INO80D: variants seen among roughly 807,000 people sequenced by gnomAD.
INO80D encodes the protein INO80 complex subunit D.
In INO80D, 21 loss-of-function variants were observed where a neutral mutation model predicts 87.6. The ratio of observed to expected loss-of-function variants is 0.24; its 90% confidence interval spans 0.17 to 0.35. The LOEUF (loss-of-function observed/expected upper bound fraction) is 0.35, where lower values mean the gene tolerates loss of function less well. INO80D is among the 10% of genes least tolerant of loss of function. The probability of loss-of-function intolerance (pLI) is 1.00; values close to 1 mark genes in which losing one functional copy is unlikely to be tolerated. For missense variants in INO80D, 982 were observed against 1,280.7 expected (o/e 0.77, Z 3.56); for synonymous variants, 440 against 491.0 (o/e 0.90, Z 1.37).
chr2:206,017,466 A>G (rs1389110562), intron 8 of INO80D, among the ~76,000 whole-genome samples: 1 of 152,224 alleles, frequency 6.6e-6, no homozygotes, highest in Non-Finnish European at 1.5e-5. Flanking sequence ...GAAAGCAAAA[A>G]CTTAGAGACA....
intron 4 of INO80D, 99 bp from the exon 5 acceptor site, chr2:206,046,711 T>C: frequency 2.9e-6 from 2 of 698,698 alleles, no homozygotes; most frequent in East Asian, 2.7e-5. Context: ...AACATACCTA[T>C]TGCAAGTACT....
chr2:206,048,752 G>T (rs1348116258), intron 4 of INO80D, among the ~76,000 whole-genome samples: 6 of 152,066 alleles, frequency 3.9e-5, no homozygotes, highest in African/African-American at 4.8e-5. Flanking sequence ...AAATTAGCCA[G>T]GCTGAGTGGT....
intron 5 of INO80D, among the ~76,000 whole-genome samples, chr2:206,028,804 T>TTAACCACCTTTTTCTTGC (rs1379934466): frequency 2.6e-5 from 4 of 152,234 alleles, no homozygotes; most frequent in Admixed American, 2.6e-4. Context: ...ATTCTGGTTT[T>TTAACCACCTTTTTCTTGC]TAACCACCTT....
chr2:206,006,247 A>G (rs1171187436), intron 10 of INO80D, among the ~76,000 whole-genome samples: 2 of 152,256 alleles, frequency 1.3e-5, no homozygotes, highest in Non-Finnish European at 2.9e-5. Context: ...TAATGGTGAA[A>G]GAAACATTCT....
At position 206,062,728 on chromosome 2, in the gene INO80D, A is replaced by G; in HGVS notation, c.218+71T>C. On this transcript the variant is annotated intron_variant, in intron 3 of 10. Transcript: ENST00000403263. The surrounding 1 kb of genome is among the most constrained non-coding windows in gnomAD (Gnocchi z 4.6). ...ATGAAGGACAGAAGAAAAGAGAAGA[A>G]AAAACAAGAAAAGAAAAAATTCCAA... 1.5e-6 allele frequency: 2 copies of G among 1,320,078 alleles called. No homozygotes were observed. The allele number at this position is 1,320,078 out of a possible 1,614,324, so 81.8% of individuals were successfully genotyped here. A position where few individuals can be genotyped will look rare whatever the true frequency, so the allele number is the denominator to read the frequency against.
intron 5 of INO80D, chr2:206,040,950 C>T (rs1689031233): frequency 6.5e-6 from 1 of 153,806 alleles, no homozygotes; most frequent in Non-Finnish European, 1.4e-5. Flanking sequence ...CAGACACTGT[C>T]AGAGTAGATA....
At chr2:206,071,306 T>C (rs1689965065) in intron 1 of INO80D, among the ~76,000 whole-genome samples, 1 of 78,720 alleles carries the variant, frequency 1.3e-5, no homozygotes. Flanking sequence ...TTTTTTTTTT[T>C]TTTTTTTTTT....
intron 1 of INO80D, among the ~76,000 whole-genome samples, chr2:206,067,445 T>G (rs956269764): frequency 6.6e-5 from 10 of 152,070 alleles, no homozygotes; most frequent in Non-Finnish European, 1.3e-4. Flanking sequence ...CAGTTTTGAA[T>G]AGCTAGAAGG....
At chr2:206,047,298 A>T (rs1689222111) in intron 4 of INO80D, among the ~76,000 whole-genome samples, 1 of 151,996 alleles carries the variant, frequency 6.6e-6, no homozygotes, top group Non-Finnish European at 1.5e-5. Context: ...GGCTCACTGC[A>T]ACCTCTGCCT....
In INO80D at chr2:206,032,104, G is replaced by A. The variant is rs545444441; in HGVS notation, c.1074-3769C>T. On this transcript the variant is annotated intron_variant, in intron 5 of 10. Coordinates refer to ENST00000403263, the MANE Select transcript of INO80D (RefSeq NM_017759.5). ...CAGAGATCTTTCGGGAGGGCAGCCA[G>A]AGGCATGGGGAAAATGCCACAGGGA... 1.5e-3 allele frequency among the ~76,000 whole-genome samples: 222 copies of A among 152,306 alleles called. 1 individual carries two copies. The highest frequency in any genetic ancestry group is 2.5e-3 in the Non-Finnish European group (172 of 68,012).
At chr2:206,083,243 T>G (rs1256710667) in intron 1 of INO80D, among the ~76,000 whole-genome samples, 1 of 152,250 alleles carries the variant, frequency 6.6e-6, no homozygotes, top group African/African-American at 2.4e-5. Flanking sequence ...TTGGTATTTG[T>G]ACACATAGTT....
rs372597103 is a variant in INO80D at position 205,997,466 on chromosome 2, C to G, written c.*6902G>C. On this transcript the variant is annotated 3_prime_UTR_variant, in exon 11 of 11. Coordinates refer to ENST00000403263, the MANE Select transcript of INO80D (RefSeq NM_017759.5). ...CCTTCCAAAAATTGTTTATGAAAGG[C>G]CTATACTTTTTCTTAACTTCACCAA... is the stretch of plus-strand genomic sequence containing the variant. 66 of 152,132 alleles carry G rather than the reference C, an allele frequency of 4.3e-4. No individual in the cohort carries two copies. Among genetic ancestry groups the G allele is most frequent in the African/African-American group, 1.5e-3 (62 of 41,538 alleles). The allele number at this position is 152,132 out of a possible 1,614,324, so 9.4% of individuals were successfully genotyped here.
chr2:206,018,315 A>G (rs1270013976), intron 7 of INO80D, among the ~76,000 whole-genome samples: 2 of 151,806 alleles, frequency 1.3e-5, no homozygotes, highest in African/African-American at 4.8e-5. Context: ...CAGATAATTT[A>G]TTGTATTTTT....
chr2:206,019,766 C>G lies in INO80D; in HGVS notation c.1378G>C (p.Ala460Pro), dbSNP rs761278112. 6.2e-7 allele frequency: 1 copy of G among 1,613,706 alleles called. No individual in the cohort carries two copies. The highest frequency in any genetic ancestry group is 8.5e-7 in the Non-Finnish European group (1 of 1,179,758). ...AAACAATGTCTGGTGAATGGAAGGG[C>G]TTTGTTAGCGCACTGTTCACCCTTC... ...TVKGEQCANK[A>P]LPFTRHCFQH... Residue 460 changes from alanine (A) to proline (P), a missense_variant, in exon 7 of 11, where the codon GCC (alanine) becomes CCC (proline). Transcript: ENST00000403263.
At chr2:206,046,305 G>A (rs1689190873) in intron 5 of INO80D, among the ~76,000 whole-genome samples, 199 bp downstream of exon 5, 1 of 152,122 alleles carries the variant, frequency 6.6e-6, no homozygotes. Context: ...GGGAGGCCTA[G>A]GCGGAGAGAT....
chr2:206,039,026 C>T (rs1302894317), intron 5 of INO80D, among the ~76,000 whole-genome samples: 1 of 152,154 alleles, frequency 6.6e-6, no homozygotes, highest in African/African-American at 2.4e-5. Context: ...AGAAAAAACA[C>T]ATTAAATGAT....
chr2:206,005,989 G>A (rs569062489), intron 10 of INO80D, among the ~76,000 whole-genome samples: 7 of 152,322 alleles, frequency 4.6e-5, no homozygotes, highest in African/African-American at 9.6e-5. Context: ...CTGGAGGGCA[G>A]CTGTGGAAGG....
At position 205,994,974 on chromosome 2, in the gene INO80D, C is replaced by T. The variant is rs1158673062; in HGVS notation, c.*9394G>A. ...GACAGCTTCATGAGAGAGCTGCCTT[C>T]TTTCAAATTTGAATTTTGAACAAGG... On this transcript the variant is annotated 3_prime_UTR_variant, in exon 11 of 11. Coordinates refer to ENST00000403263, the MANE Select transcript of INO80D (RefSeq NM_017759.5). The T allele has an allele frequency of 6.6e-6, 1 of 151,916 alleles. No homozygotes were observed. Among genetic ancestry groups the T allele is most frequent in the Non-Finnish European group, 1.5e-5 (1 of 67,992 alleles). 9.4% of individuals were successfully genotyped at this position (151,916 alleles called of 1,614,324 possible). A position where few individuals can be genotyped will look rare whatever the true frequency, so the allele number is the denominator to read the frequency against.
chr2:206,031,362 A>G (rs1688762010), intron 5 of INO80D, among the ~76,000 whole-genome samples: 1 of 152,232 alleles, frequency 6.6e-6, no homozygotes, highest in Non-Finnish European at 1.5e-5. Flanking sequence ...TCAATGACTT[A>G]GAATATGCAT....
Sources: gnomAD v4.1 joint callset for allele counts (sites outside exome capture counted in the v4.1 genomes callset) on GRCh38, gnomAD v4.1.1 for gene constraint, Gnocchi (gnomAD v3.1) non-coding constraint, MANE v1.5 for transcripts, NCBI Gene and HGNC (gene_info 2026-07-23, HGNC 2026-07-21) for gene names.